MPPED1: variants seen among roughly 807,000 people sequenced by gnomAD.
MPPED1 encodes the protein metallophosphoesterase domain containing 1.
In MPPED1, 16 loss-of-function variants were observed where a neutral mutation model predicts 36.2. That is an observed-to-expected ratio of 0.44 (90% CI 0.30 to 0.67). The LOEUF (loss-of-function observed/expected upper bound fraction) is 0.67, where lower values mean the gene tolerates loss of function less well. MPPED1 is among the 30% of genes least tolerant of loss of function. The pLI is 0.10. For synonymous variants in MPPED1, 199 were observed against 191.3 expected (o/e 1.04, Z -0.33); for missense variants, 307 against 453.4 (o/e 0.68, Z 2.93).
rs1041002752 is a variant in MPPED1 at position 43,498,349 on chromosome 22, G to A, written c.747G>A (p.Leu249=). ...VDILITHGPP[L]GFLDWVPKKM... is the part of the protein sequence containing the mutation. ...TCCTGATAACCCATGGACCACCACT[G>A]GGTAAGGCTCTGCTGGCCTGGCCCT... The change falls in exon 5 of 7, where the codon CTG becomes CTA. Residue 249 remains leucine, a splice_region_variant and synonymous_variant. Coordinates refer to ENST00000443721, the MANE Select transcript of MPPED1 (RefSeq NM_001044370.2). 7.8e-6 allele frequency: 12 copies of A among 1,533,938 alleles called. No homozygotes were observed. Among genetic ancestry groups the A allele is most frequent in the Admixed American group, 2.0e-5 (1 of 50,892 alleles).
At position 43,416,788 on chromosome 22, in the gene MPPED1, T is replaced by C. The variant is rs568708757; in HGVS notation, c.-79+4630T>C. 1.7e-4 allele frequency: 27 copies of C among 156,070 alleles called. No individual in the cohort carries two copies. The Middle Eastern group carries it at 0.01, about 58-fold the overall frequency. The allele number at this position is 156,070 out of a possible 1,614,324, so 9.7% of individuals were successfully genotyped here. ...TGTGATCGCTGATCTGCTAGATGGA[T>C]ATAGAAAGCACCAAGAATTATAATA... On this transcript the variant is annotated intron_variant, in intron 1 of 6. Coordinates refer to ENST00000443721, the MANE Select transcript of MPPED1 (RefSeq NM_001044370.2).
intron 3 of MPPED1, among the ~76,000 whole-genome samples, chr22:43,465,411 C>T (rs934520957): frequency 6.6e-6 from 1 of 152,258 alleles, no homozygotes; most frequent in African/African-American, 2.4e-5. Flanking sequence ...AATCATGTGA[C>T]CTCCCCGGCC....
intron 3 of MPPED1, among the ~76,000 whole-genome samples, chr22:43,462,552 T>C (rs1029960795): frequency 2.6e-5 from 4 of 152,242 alleles, no homozygotes; most frequent in African/African-American, 9.6e-5. Context: ...ATCCCAATTT[T>C]TGGTTGAATA....
At position 43,502,609 on chromosome 22, in the gene MPPED1, C is replaced by T. The variant is rs112775778; in HGVS notation, c.749-35C>T. 6.7e-4 allele frequency: 1,053 copies of T among 1,561,998 alleles called. 5 individuals carry two copies. The African/African-American group carries it at 0.012, about 18-fold the overall frequency. ...GGGGCAGTGAGGGGCTGGGACAGAC[C>T]GCGTCATGGCCTCCTGTTGTCTCCC... On this transcript the variant is annotated intron_variant, in intron 5 of 6. Transcript: ENST00000443721. This position sits in a 1 kb window ranked among gnomAD's most constrained non-coding sequence, Gnocchi z 5.5.
At chr22:43,489,649 G>C (rs1295124829) in intron 4 of MPPED1, among the ~76,000 whole-genome samples, 1 of 152,126 alleles carries the variant, frequency 6.6e-6, no homozygotes, top group Non-Finnish European at 1.5e-5. Flanking sequence ...CTCCTGAGTA[G>C]CTGGGATTAC....
intron 3 of MPPED1, among the ~76,000 whole-genome samples, chr22:43,460,714 C>T (rs1266505814): frequency 6.6e-6 from 1 of 152,052 alleles, no homozygotes; most frequent in Non-Finnish European, 1.5e-5. Context: ...ATAAGTCTCC[C>T]ATCATTTGCT....
chr22:43,502,805 T>C lies in MPPED1; in HGVS notation c.862+48T>C, dbSNP rs181355016. The C allele has an allele frequency of 3.3e-5, 50 of 1,502,650 alleles. No homozygotes were observed. In the African/African-American group the frequency reaches 6.6e-4, roughly 20 times the overall value. The allele number at this position is 1,502,650 out of a possible 1,614,324, so 93.1% of individuals were successfully genotyped here. On this transcript the variant is annotated intron_variant, in intron 6 of 6. Transcript: ENST00000443721. The surrounding 1 kb of genome is among the most constrained non-coding windows in gnomAD (Gnocchi z 5.5). ...CACCTCACGGGCTAGGGGCTCCTAA[T>C]GGACCCTCCAGCAGGACCTCCCCTT...
chr22:43,446,341 C>G (rs1207843654), intron 3 of MPPED1, among the ~76,000 whole-genome samples: 3 of 152,180 alleles, frequency 2.0e-5, no homozygotes, highest in African/African-American at 7.2e-5. Flanking sequence ...AAAACTAGTT[C>G]CTGCCTTTGT....
At chr22:43,497,961 CTTTT>C (rs745755958) in intron 4 of MPPED1, among the ~76,000 whole-genome samples, 1 of 134,354 alleles carries the variant, frequency 7.4e-6, no homozygotes, top group Non-Finnish European at 1.6e-5. Context: ...ATTTAGCTTT[CTTTT>C]TTTTTTGGTT....
intron 3 of MPPED1, among the ~76,000 whole-genome samples, chr22:43,439,697 C>T (rs1438867085): frequency 6.6e-6 from 1 of 152,216 alleles, no homozygotes; most frequent in Non-Finnish European, 1.5e-5. Context: ...CCACAGGATC[C>T]CTGTCATTGT....
chr22:43,416,954 T>C, intron 1 of MPPED1: 1 of 985,172 alleles, frequency 1.0e-6, no homozygotes, highest in Non-Finnish European at 1.2e-6. Flanking sequence ...GCCGACTGCA[T>C]TCATAGCTAA....
intron 1 of MPPED1, among the ~76,000 whole-genome samples, chr22:43,419,419 G>C (rs11705050): frequency 0.84 from 127,571 of 151,970 alleles, 54,061 homozygotes; most frequent in Middle Eastern, 0.96. Context: ...CGCAGGGGTG[G>C]GGTTGGGTGC....
intron 3 of MPPED1, among the ~76,000 whole-genome samples, chr22:43,468,815 TGGGCATTCAGCCTAAG>T (rs893914775): frequency 6.6e-6 from 1 of 151,962 alleles, no homozygotes; most frequent in Non-Finnish European, 1.5e-5. Flanking sequence ...GGGAAGAAGG[TGGGCATTCAGCCTAAG>T]GGGCATTCAG....
intron 3 of MPPED1, among the ~76,000 whole-genome samples, chr22:43,435,453 ATT>A (rs135070): frequency 1.3e-5 from 2 of 148,238 alleles, no homozygotes; most frequent in Non-Finnish European, 3.0e-5. Flanking sequence ...TGTTTGTGGG[ATT>A]TTTTTTTTTG....
At chr22:43,447,335 T>A (rs1203543194) in intron 3 of MPPED1, among the ~76,000 whole-genome samples, 1 of 152,206 alleles carries the variant, frequency 6.6e-6, no homozygotes, top group Non-Finnish European at 1.5e-5. Flanking sequence ...GTAGATTTTT[T>A]AAAATGTCAT....
At position 43,474,640 on chromosome 22, in the gene MPPED1, C is replaced by T; in HGVS notation, c.407-96C>T. 2.0e-6 allele frequency: 3 copies of T among 1,535,942 alleles called. No individual in the cohort carries two copies. The highest frequency in any genetic ancestry group is 2.7e-6 in the Non-Finnish European group (3 of 1,123,294). Reference sequence around the variant, plus strand: ...GCTGACCTTTGACCAGGAGTTCATGCAGCTTCCTCCTGCCCGCCCCTCTCT... The same window carrying T: ...GCTGACCTTTGACCAGGAGTTCATGTAGCTTCCTCCTGCCCGCCCCTCTCT... On this transcript the variant is annotated intron_variant, in intron 3 of 6. Transcript: ENST00000443721. This position sits in a 1 kb window ranked among gnomAD's most constrained non-coding sequence, Gnocchi z 5.2.
intron 1 of MPPED1, among the ~76,000 whole-genome samples, chr22:43,423,447 C>T (rs754165490): frequency 1.1e-4 from 16 of 152,116 alleles, no homozygotes; most frequent in South Asian, 2.1e-4. Flanking sequence ...AAAACAATGG[C>T]GCAAGTGTGT....
At chr22:43,465,311 C>G (rs760203725) in intron 3 of MPPED1, among the ~76,000 whole-genome samples, 49 of 152,242 alleles carry the variant, frequency 3.2e-4, no homozygotes, top group Non-Finnish European at 6.6e-4. Context: ...ATGGGCTCAT[C>G]TCATCCTAAC....
At chr22:43,439,180 G>A (rs1260836816) in intron 3 of MPPED1, among the ~76,000 whole-genome samples, 3 of 152,186 alleles carry the variant, frequency 2.0e-5, no homozygotes, top group Non-Finnish European at 2.9e-5. Flanking sequence ...TGCATTGCCC[G>A]TTTGCCGGCT....
Sources: allele counts gnomAD v4.1 joint callset (sites outside exome capture counted in the v4.1 genomes callset), GRCh38; gene constraint gnomAD v4.1.1; non-coding constraint Gnocchi (gnomAD v3.1); transcripts MANE v1.5; gene names NCBI Gene and HGNC (gene_info 2026-07-23, HGNC 2026-07-21).